NOM1: variants seen among roughly 807,000 people sequenced by gnomAD.
The protein encoded by NOM1 is nucleolar MIF4G domain-containing protein 1.
NOM1 carries 58 observed loss-of-function variants against 73.3 expected under a neutral mutation model. The ratio of observed to expected loss-of-function variants is 0.79; its 90% CI spans 0.64 to 0.99. The LOEUF (loss-of-function observed/expected upper bound fraction) is 0.99. Among genes scored for constraint, NOM1 ranks in the 50% least tolerant of loss-of-function variants. The pLI, the probability that NOM1 is intolerant of heterozygous loss-of-function variation, is 0.00. For synonymous variants in NOM1, 487 were observed against 446.8 expected, an observed-to-expected ratio of 1.09 and a Z score of -1.14; for missense variants, 1,226 against 1,131.9, an observed-to-expected ratio of 1.08 and a Z score of -1.19.
chr7:156,968,191 T>TCCCCCTCCGCTCCCCTGCCTTGCC (rs1408620599), intron 9 of NOM1, among the ~76,000 whole-genome samples: 10 of 152,046 alleles, frequency 6.6e-5, no homozygotes, highest in Non-Finnish European at 1.2e-4. Flanking sequence ...GAGGCGTTGC[T>TCCCCCTCCGCTCCCCTGCCTTGCC]CCCCCTCCGC....
In NOM1 at chr7:156,950,293, A is replaced by T; in HGVS notation, c.556A>T (p.Ile186Phe). 6.2e-7 allele frequency: 1 copy of T among 1,614,142 alleles called. No homozygotes were observed. Among genetic ancestry groups the T allele is most frequent in the African/African-American group, 1.3e-5 (1 of 75,064 alleles). ...GGCGAACGAGGAGGAGGACCGAGAG[A>T]TCCGAAAGCTGGAGCGTTGCCTCGG... ...LAANEEEDRE[I>F]RKLERCLGLN... Residue 186 changes from isoleucine (I) to phenylalanine (F), a missense_variant, in exon 1 of 11, where the codon ATC becomes TTC. Ile to Phe is a conservative substitution (Grantham distance 21). Transcript: ENST00000275820.
At chr7:156,958,052 C>T (rs181011420) in intron 3 of NOM1, among the ~76,000 whole-genome samples, 168 of 141,704 alleles carry the variant, frequency 1.2e-3, no homozygotes, top group Non-Finnish European at 1.8e-3. Context: ...TGTGGCCTCC[C>T]GCCAGTCTGT....
In NOM1 at chr7:156,960,854, G is replaced by C. The variant is rs578261747; in HGVS notation, c.1632+680G>C. Among the ~76,000 whole-genome samples, 9 of 152,304 alleles carry C rather than the reference G, an allele frequency of 5.9e-5. No homozygotes were observed. The South Asian group carries it at 1.9e-3, about 32-fold the overall frequency. On this transcript the variant is annotated intron_variant, in intron 4 of 10. Coordinates refer to ENST00000275820, the MANE Select transcript of NOM1 (RefSeq NM_138400.2). ...CAGGAGGAGTTTTGCAGGAGCTGGG[G>C]AGTAGGTGGTGGCAAATGTTGGGAT...
rs771089233 is a variant in NOM1, at chr7:156,959,866, C to A, written c.1324C>A (p.Leu442Met). Reference sequence around the variant, plus strand: ...GTTCTTTCAGGTCGGTGCCCACTTTCTGGAGGCAGTGGTGAGGAAGTTCGA... The same window carrying A: ...GTTCTTTCAGGTCGGTGCCCACTTTATGGAGGCAGTGGTGAGGAAGTTCGA... ...TVGIEVGAHFLEAVVRKFDAI... is the reference protein window; with the variant it reads ...TVGIEVGAHFMEAVVRKFDAI... Residue 442 changes from leucine to methionine, a missense_variant, in exon 4 of 11, where the codon CTG (leucine) becomes ATG (methionine). Transcript: ENST00000275820. The A allele has an allele frequency of 6.2e-7, 1 of 1,614,102 alleles. No homozygotes were observed. Among genetic ancestry groups the A allele is most frequent in the South Asian group, 1.1e-5 (1 of 91,080 alleles).
chr7:156,963,010 C>T lies in NOM1; in HGVS notation c.1746C>T (p.Val582=). Reference sequence around the variant, plus strand: ...ATTAGCTCTTCTCTCTTCATCAGGTCCGCAACGCCGGCTCAGGTTCTGAGA... The same window carrying T: ...ATTAGCTCTTCTCTCTTCATCAGGTTCGCAACGCCGGCTCAGGTTCTGAGA... The part of the protein sequence containing the change: ...EKLRKLQRAL[V]RNAGSGSETQ... The change falls in exon 6 of 11, where the codon GTC becomes GTT. Residue 582 remains valine, a splice_region_variant and synonymous_variant. Transcript: ENST00000275820. 4 of 1,611,598 alleles carry T rather than the reference C, an allele frequency of 2.5e-6. No homozygotes were observed. Among genetic ancestry groups the T allele is most frequent in the Non-Finnish European group, 3.4e-6 (4 of 1,177,872 alleles).
rs761562351 is a variant in NOM1 at position 156,950,438 on chromosome 7, G to C, written c.701G>C (p.Ser234Thr). ...ESGKNSGLYDSSGEEEEDAGQ... is the reference protein window; with the variant it reads ...ESGKNSGLYDTSGEEEEDAGQ... ...GGGAAAAATAGCGGCTTGTACGACAGCAGTGGTGAGGAGGAGGAAGATGCC... is the reference window on the plus strand; with the variant it reads ...GGGAAAAATAGCGGCTTGTACGACACCAGTGGTGAGGAGGAGGAAGATGCC... Residue 234 changes from serine to threonine, a missense_variant, in exon 1 of 11, where the codon AGC (serine) becomes ACC (threonine). Ser to Thr is a moderately conservative substitution (Grantham distance 58, BLOSUM62 1). Transcript: ENST00000275820. 1 of 1,614,052 alleles carries C rather than the reference G, an allele frequency of 6.2e-7. No homozygotes were observed. Among genetic ancestry groups the C allele is most frequent in the Admixed American group, 1.7e-5 (1 of 60,006 alleles).
At chr7:156,953,467 C>T (rs574509161) in intron 2 of NOM1, among the ~76,000 whole-genome samples, 2 of 152,270 alleles carry the variant, frequency 1.3e-5, no homozygotes, top group Admixed American at 1.3e-4. Context: ...GAGTCACCAC[C>T]GCTGCAATTG....
chr7:156,968,613 C>A (rs1038512298), intron 9 of NOM1: 1 of 140,760 alleles, frequency 7.1e-6, no homozygotes, highest in Admixed American at 7.2e-5. Context: ...TCCTACTGAT[C>A]CGTGTTTATT....
intron 10 of NOM1, 93 bp downstream of exon 10, chr7:156,969,289 C>A: frequency 1.2e-6 from 1 of 824,304 alleles, no homozygotes; most frequent in Admixed American, 2.3e-5. Context: ...TTGTACTATA[C>A]GTGTAGCTTA....
intron 9 of NOM1, 193 bp from the exon 10 acceptor site, chr7:156,968,894 T>C (rs1805072313): frequency 1.9e-6 from 1 of 517,426 alleles, no homozygotes; most frequent in African/African-American, 1.9e-5. Flanking sequence ...CTGCCAGCAG[T>C]GTGTAGGAAT....
rs572642592 is a variant in NOM1, at chr7:156,972,784, C to G, written c.*3081C>G. ...GGCGGATGTTGCAGTGAGCAGAGAT[C>G]GTGCCATTGCACTCCAGCCTGGGAA... On this transcript the variant is annotated 3_prime_UTR_variant, in exon 11 of 11. Transcript: ENST00000275820. The G allele has an allele frequency of 1.3e-5, 2 of 152,190 alleles. No homozygotes were observed. The highest frequency in any genetic ancestry group is 1.9e-4 in the East Asian group (1 of 5,200). 9.4% of individuals were successfully genotyped at this position (152,190 alleles called of 1,614,324 possible). A position where few individuals can be genotyped will look rare whatever the true frequency, so the allele number is the denominator to read the frequency against.
chr7:156,963,280 C>G, intron 6 of NOM1, 105 bp downstream of exon 6: 1 of 1,172,674 alleles, frequency 8.5e-7, no homozygotes, highest in Non-Finnish European at 1.3e-6. Flanking sequence ...TGAATGGTCA[C>G]TGAAATGTAC....
chr7:156,965,911 C>CA (rs201757858), intron 7 of NOM1, among the ~76,000 whole-genome samples: 4 of 72,280 alleles, frequency 5.5e-5, no homozygotes, highest in Non-Finnish European at 1.0e-4. Flanking sequence ...AAGACTGTCT[C>CA]AAAAAAAAAA....
In NOM1 at chr7:156,958,283, C is replaced by T. The variant is rs116899106; in HGVS notation, c.1309-1568C>T. Among the ~76,000 whole-genome samples the T allele has an allele frequency of 8.8e-3, 1,342 of 152,338 alleles. 7 individuals carry two copies. The highest frequency in any genetic ancestry group is 0.012 in the Non-Finnish European group (820 of 68,034). The stretch of plus-strand genomic sequence containing the variant: ...AGCCCCACTAGCTTGCTGCCCCTCA[C>T]GTAGTTCCTGGTTACCCAGACCAGA... On this transcript the variant is annotated intron_variant, in intron 3 of 10. Coordinates refer to ENST00000275820, the MANE Select transcript of NOM1 (RefSeq NM_138400.2).
At position 156,950,424 on chromosome 7, in the gene NOM1, C is replaced by T. The variant is rs1389064661; in HGVS notation, c.687C>T (p.Ser229=). The change falls in exon 1 of 11, where the codon AGC becomes AGT. Residue 229 remains serine, a synonymous_variant. Transcript: ENST00000275820. ...GAGCCCTGGAGTCTGGGAAAAATAG[C>T]GGCTTGTACGACAGCAGTGGTGAGG... ...ILGALESGKN[S]GLYDSSGEEE... 1.9e-6 allele frequency: 3 copies of T among 1,614,160 alleles called. No individual in the cohort carries two copies. The highest frequency in any genetic ancestry group is 2.5e-6 in the Non-Finnish European group (3 of 1,180,032).
Position 156,966,342 on chromosome 7 carries a change from T to G in NOM1, c.2106T>G (p.Thr702=), listed in dbSNP as rs1460488019. 4 of 1,614,086 alleles carry G rather than the reference T, an allele frequency of 2.5e-6. No individual in the cohort carries two copies. Among genetic ancestry groups the G allele is most frequent in the Non-Finnish European group, 3.4e-6 (4 of 1,180,030 alleles). ...VLMDCCLQEK[T]YNPFYAFLAS... ...TGGATTGCTGCCTTCAAGAGAAAACTTACAATCCCTTCTATGCTTTCCTGG... is the reference window on the plus strand; with the variant it reads ...TGGATTGCTGCCTTCAAGAGAAAACGTACAATCCCTTCTATGCTTTCCTGG... The change falls in exon 8 of 11, where the codon ACT becomes ACG. Residue 702 remains threonine (T), a synonymous_variant. Transcript: ENST00000275820.
chr7:156,968,391 G>A (rs992854109), intron 9 of NOM1, among the ~76,000 whole-genome samples: 3 of 152,096 alleles, frequency 2.0e-5, no homozygotes, highest in African/African-American at 7.2e-5. Context: ...ATGCTTTTGT[G>A]GTCTCGCCGC....
chr7:156,966,807 A>G (rs548210796), intron 8 of NOM1, among the ~76,000 whole-genome samples, 154 bp from the exon 9 acceptor site: 1 of 152,348 alleles, frequency 6.6e-6, no homozygotes, highest in African/African-American at 2.4e-5. Flanking sequence ...ACTATGCTCT[A>G]TAGGCAAGAA....
chr7:156,968,687 T>TTATATA (rs6150414), intron 9 of NOM1: 102 of 132,478 alleles, frequency 7.7e-4, no homozygotes, highest in South Asian at 2.0e-3. Context: ...GAAGTAAATT[T>TTATATA]TATATATATA....
Sources: gnomAD v4.1 joint callset for allele counts (sites outside exome capture counted in the v4.1 genomes callset) on GRCh38, gnomAD v4.1.1 for gene constraint, MANE v1.5 for transcripts, NCBI Gene and HGNC (gene_info 2026-07-23, HGNC 2026-07-21) for gene names.